WDR4: variants seen among roughly 807,000 people sequenced by gnomAD.
WDR4 encodes tRNA (guanine-N(7)-)-methyltransferase non-catalytic subunit WDR4.
A neutral mutation model predicts 48.6 loss-of-function variants in WDR4; 47 were observed. The observed-to-expected ratio is 0.97, with a 90% CI of 0.77 to 1.23. WDR4 has a LOEUF of 1.23. Ranked by LOEUF, WDR4 falls within the 50% of genes most tolerant of loss-of-function variation. The pLI, the probability that WDR4 is intolerant of heterozygous loss-of-function variation, is 0.00. For synonymous variants in WDR4, 268 were observed against 230.0 expected (o/e 1.17, Z -1.49); for missense variants, 606 against 551.6 (o/e 1.10, Z -0.99).
At chr21:42,883,778 C>T (rs966584871), upstream of WDR4, 19 of 153,524 alleles carry the variant, frequency 1.2e-4, no homozygotes, top group African/African-American at 4.6e-4. Flanking sequence ...TGACTTCAGA[C>T]TTCTGGCCTC....
intron 6 of WDR4, among the ~76,000 whole-genome samples, chr21:42,859,217 A>G (rs576692342): frequency 1.3e-5 from 2 of 152,070 alleles, no homozygotes; most frequent in African/African-American, 4.8e-5. Context: ...GTTTGAAACC[A>G]GCCTGAAAAA....
intron 3 of WDR4, among the ~76,000 whole-genome samples, chr21:42,866,673 T>C (rs1326470882): frequency 6.6e-6 from 1 of 151,978 alleles, no homozygotes; most frequent in Non-Finnish European, 1.5e-5. Context: ...CAGCTCCTGA[T>C]AAAACTCACC....
Position 42,849,932 on chromosome 21 carries a change from T to G in WDR4, c.*117A>C. 7 of 1,298,578 alleles carry G rather than the reference T, an allele frequency of 5.4e-6. No homozygotes were observed. The highest frequency in any genetic ancestry group is 7.5e-6 in the Non-Finnish European group (7 of 930,574). 80.4% of individuals were successfully genotyped at this position (1,298,578 alleles called of 1,614,324 possible). A position where few individuals can be genotyped will look rare whatever the true frequency, so the allele number is the denominator to read the frequency against. On this transcript the variant is annotated 3_prime_UTR_variant, in exon 11 of 11. Transcript: ENST00000398208. ...GAGCCCAGGGGACAGCCCCATCCTC[T>G]GAGCTGGTCACAACTGATGTCACCT...
chr21:42,877,464 C>A, intron 1 of WDR4, among the ~76,000 whole-genome samples: 1 of 141,400 alleles, frequency 7.1e-6, no homozygotes, highest in African/African-American at 2.7e-5. Flanking sequence ...TTTAAAAGAG[C>A]ACTTTGTTAA....
chr21:42,852,374 AC>A (rs2057855918), intron 9 of WDR4, 50 bp from the exon 10 acceptor site: 3 of 1,597,404 alleles, frequency 1.9e-6, no homozygotes, highest in Non-Finnish European at 2.6e-6. Context: ...AGGCCTGGAA[AC>A]CCAGCACCAG....
rs371151587 is a variant in WDR4 at position 42,859,482 on chromosome 21, G to A, written c.627+180C>T. Among the ~76,000 whole-genome samples, 22 of 152,162 alleles carry A rather than the reference G, an allele frequency of 1.4e-4. 1 individual carries two copies. In the South Asian group the frequency reaches 2.1e-3, roughly 14 times the overall value. ...ACACGCACCTACGCACACCCCACAC[G>A]CAGTCCTGAGTGAGCGGCCGCAGGC... On this transcript the variant is annotated intron_variant, in intron 6 of 10. Coordinates refer to ENST00000398208, the MANE Select transcript of WDR4 (RefSeq NM_018669.6).
intron 6 of WDR4, among the ~76,000 whole-genome samples, 174 bp downstream of exon 6, chr21:42,859,488 C>G (rs958354344): frequency 4.6e-5 from 7 of 152,008 alleles, no homozygotes; most frequent in Non-Finnish European, 1.0e-4. Flanking sequence ...ACACGCAGTC[C>G]TGAGTGAGCG....
intron 10 of WDR4, among the ~76,000 whole-genome samples, chr21:42,850,513 G>A (rs564217361): frequency 3.9e-5 from 6 of 152,330 alleles, no homozygotes; most frequent in South Asian, 2.1e-4. Flanking sequence ...CACCCCGCCA[G>A]CACTCTCTGC....
In WDR4 at chr21:42,873,649, C is replaced by T. The variant is rs141073755; in HGVS notation, c.198G>A (p.Ala66=). 5.3e-5 allele frequency: 86 copies of T among 1,613,966 alleles called. No individual in the cohort carries two copies. The highest frequency in any genetic ancestry group is 3.9e-4 in the African/African-American group (29 of 74,882). Residue 66 remains alanine (A), a synonymous_variant, in exon 3 of 11, where the codon GCG becomes GCA. Transcript: ENST00000398208. ...PLDQGSGAIL[A]STFSKSGSYF... The stretch of plus-strand genomic sequence containing the variant: ...AGCTGCCAGACTTGGAGAAGGTGGA[C>T]GCCAGAATCGCACCGCTCCCCTGGT...
At chr21:42,858,283 A>G (rs1165872975) in intron 6 of WDR4, among the ~76,000 whole-genome samples, 2 of 152,130 alleles carry the variant, frequency 1.3e-5, no homozygotes, top group East Asian at 1.9e-4. Context: ...TGGCTTTCAC[A>G]TCGCACACTG....
In WDR4 at chr21:42,862,351, T is replaced by A. The variant is rs1213315617; in HGVS notation, c.497A>T (p.Asp166Val). The A allele has an allele frequency of 2.5e-6, 4 of 1,611,758 alleles. No individual in the cohort carries two copies. Among genetic ancestry groups the A allele is most frequent in the Non-Finnish European group, 3.4e-6 (4 of 1,179,098 alleles). ...GGCCCAGCTGACTCGGATCTTCTCG[T>A]CCCGGTCGGCAGTGAGGATGAAGCG... The part of the protein sequence containing the change: ...DDRFILTADR[D>V]EKIRVSWAAA... Residue 166 changes from aspartate to valine, a missense_variant, in exon 5 of 11, where the codon GAC becomes GTC. Coordinates refer to ENST00000398208, the MANE Select transcript of WDR4 (RefSeq NM_018669.6). This position sits in a 1 kb window ranked among gnomAD's most constrained non-coding sequence, Gnocchi z 4.3.
At chr21:42,873,398 A>ATGTGGCACTGAAAGTGGTG (rs2146095440) in intron 3 of WDR4, among the ~76,000 whole-genome samples, 153 bp downstream of exon 3, 1 of 147,696 alleles carries the variant, frequency 6.8e-6, no homozygotes, top group East Asian at 1.9e-4. Flanking sequence ...GCCAACACAC[A>ATGTGGCACTGAAAGTGGTG]TGTGGCACTG....
upstream of WDR4, among the ~76,000 whole-genome samples, chr21:42,881,170 T>G (rs2058607034): frequency 6.6e-6 from 1 of 152,200 alleles, no homozygotes; most frequent in Admixed American, 6.5e-5. Flanking sequence ...CCTCCCAAAG[T>G]GCTGGGATTA....
intron 3 of WDR4, among the ~76,000 whole-genome samples, chr21:42,865,759 G>A (rs995862764): frequency 1.3e-4 from 20 of 151,924 alleles, no homozygotes; most frequent in Admixed American, 3.9e-4. Context: ...CTCGGGTCTC[G>A]GGTCTCAGCA....
At chr21:42,867,951 C>G (rs988668465) in intron 3 of WDR4, among the ~76,000 whole-genome samples, 1 of 152,204 alleles carries the variant, frequency 6.6e-6, no homozygotes, top group Admixed American at 6.5e-5. Context: ...AGACATCTCC[C>G]TCTTGGCAAA....
chr21:42,879,073 C>T (rs2058567917), intron 1 of WDR4: 5 of 1,127,244 alleles, frequency 4.4e-6, no homozygotes, highest in African/African-American at 3.3e-5. Context: ...CGTCGCCCCA[C>T]GTGCTCTACC....
chr21:42,889,192 A>G, the WDR4 span, among the ~76,000 whole-genome samples: 26 of 152,184 alleles, frequency 1.7e-4, no homozygotes, highest in East Asian at 3.9e-3. Flanking sequence ...CATGTTGGCC[A>G]GGCTGGTCTC....
chr21:42,880,703 C>T (rs1359222290), upstream of WDR4, among the ~76,000 whole-genome samples: 1 of 152,198 alleles, frequency 6.6e-6, no homozygotes, highest in Non-Finnish European at 1.5e-5. Context: ...CCCTCCTTTT[C>T]CAGCACCTTC....
At chr21:42,864,969 G>C (rs2058215029) in intron 3 of WDR4, among the ~76,000 whole-genome samples, 1 of 152,210 alleles carries the variant, frequency 6.6e-6, no homozygotes, top group Non-Finnish European at 1.5e-5. Context: ...GCCAACACCA[G>C]GCAGACAAGT....
Sources: allele counts gnomAD v4.1 joint callset (sites outside exome capture counted in the v4.1 genomes callset), GRCh38; gene constraint gnomAD v4.1.1; non-coding constraint Gnocchi (gnomAD v3.1); transcripts MANE v1.5; gene names NCBI Gene and HGNC (gene_info 2026-07-23, HGNC 2026-07-21).